Variants in CFAP61 observed in about 807,000 individuals in gnomAD.
CFAP61 encodes cilia and flagella associated protein 61.
In CFAP61, 107 loss-of-function variants were observed where a neutral mutation model predicts 135.6. The observed-to-expected ratio is 0.79, with a 90% CI of 0.67 to 0.93. The LOEUF (loss-of-function observed/expected upper bound fraction) is 0.93, where lower values mean the gene tolerates loss of function less well. Among genes scored for constraint, CFAP61 ranks in the 40% least tolerant of loss-of-function variants. The pLI is 0.00. For synonymous variants in CFAP61, 575 were observed against 578.5 expected (o/e 0.99, Z 0.09); for missense variants, 1,507 against 1,556.2 (o/e 0.97, Z 0.53).
At position 20,199,751 on chromosome 20, in the gene CFAP61, A is replaced by G. The variant is rs762108271; in HGVS notation, c.1798-17A>G. ...TCTGACATTCTCTCCCCTAAAATAT[A>G]GATTGCTGTCTTTCAGTTCCAGAAC... On this transcript the variant is annotated splice_polypyrimidine_tract_variant and intron_variant, in intron 16 of 26. Transcript: ENST00000245957. The G allele has an allele frequency of 2.5e-6, 4 of 1,613,798 alleles. No individual in the cohort carries two copies. The South Asian group carries it at 4.4e-5, about 18-fold the overall frequency.
At chr20:20,245,360 T>C (rs2050360650) in intron 18 of CFAP61, among the ~76,000 whole-genome samples, 1 of 152,122 alleles carries the variant, frequency 6.6e-6, no homozygotes, top group African/African-American at 2.4e-5. Context: ...CTCACAATCA[T>C]GGTGGAAGGC....
At chr20:20,280,793 A>G (rs2054147731) in intron 22 of CFAP61, among the ~76,000 whole-genome samples, 1 of 152,190 alleles carries the variant, frequency 6.6e-6, no homozygotes, top group Non-Finnish European at 1.5e-5. Context: ...AGAAGTTGCC[A>G]TGTTGCTCTC....
chr20:20,161,221 C>T (rs571734553), intron 10 of CFAP61, among the ~76,000 whole-genome samples: 54 of 152,178 alleles, frequency 3.5e-4, no homozygotes, highest in African/African-American at 1.2e-3. Flanking sequence ...AGAGGGTAGC[C>T]GTTCCGTTAT....
intron 8 of CFAP61, among the ~76,000 whole-genome samples, chr20:20,141,375 C>T (rs1235391268): frequency 6.6e-6 from 1 of 152,156 alleles, no homozygotes. Flanking sequence ...GTGCTAGAAA[C>T]CCCAGATAGT....
chr20:20,290,533 G>A (rs764174096), intron 24 of CFAP61, 142 bp downstream of exon 24: 11 of 643,680 alleles, frequency 1.7e-5, no homozygotes, highest in Middle Eastern at 4.1e-4. Context: ...CCCCCAAGAT[G>A]GCCCTTAGTG....
intron 2 of CFAP61, among the ~76,000 whole-genome samples, chr20:20,067,921 A>G (rs12625475): frequency 0.078 from 11,794 of 151,682 alleles, 1,304 homozygotes; most frequent in East Asian, 0.59. Flanking sequence ...TAAAAGGATA[A>G]TGCTACAAAA....
intron 11 of CFAP61, among the ~76,000 whole-genome samples, chr20:20,166,006 T>C (rs1170776044): frequency 6.6e-6 from 1 of 152,200 alleles, no homozygotes; most frequent in Non-Finnish European, 1.5e-5. Context: ...GGTTTGCCTA[T>C]GAATGTACAT....
chr20:20,217,462 T>C (rs1569146093), intron 17 of CFAP61, among the ~76,000 whole-genome samples: 1 of 152,084 alleles, frequency 6.6e-6, no homozygotes, highest in African/African-American at 2.4e-5. Context: ...TGAAAATAAA[T>C]ATGAAATAAA....
chr20:20,220,493 G>C (rs187978019), intron 17 of CFAP61, among the ~76,000 whole-genome samples: 1 of 152,060 alleles, frequency 6.6e-6, no homozygotes, highest in Non-Finnish European at 1.5e-5. Context: ...AGTACAGGTG[G>C]CAACATGGAC....
chr20:20,184,715 G>C (rs1049096494), intron 13 of CFAP61: 1 of 152,112 alleles, frequency 6.6e-6, no homozygotes, highest in African/African-American at 2.4e-5. Context: ...CTTCTGATGA[G>C]GCAGGAACTT....
chr20:20,212,813 C>T (rs2047749741), intron 17 of CFAP61, among the ~76,000 whole-genome samples: 1 of 152,194 alleles, frequency 6.6e-6, no homozygotes, highest in Admixed American at 6.5e-5. Flanking sequence ...TGATGTCATT[C>T]ATTCAGTCAG....
intron 18 of CFAP61, among the ~76,000 whole-genome samples, chr20:20,229,537 G>A (rs1295113213): frequency 1.3e-5 from 2 of 152,140 alleles, no homozygotes; most frequent in South Asian, 2.1e-4. Context: ...AGCCAGCAGA[G>A]TTCTTAGCTC....
chr20:20,066,701 C>T (rs896642417), intron 2 of CFAP61, among the ~76,000 whole-genome samples: 6 of 152,096 alleles, frequency 3.9e-5, no homozygotes, highest in African/African-American at 1.4e-4. Flanking sequence ...GGAGGGATAA[C>T]ATTAGGAGAA....
chr20:20,173,442 G>A (rs558250745), intron 13 of CFAP61, among the ~76,000 whole-genome samples: 2 of 152,292 alleles, frequency 1.3e-5, no homozygotes, highest in South Asian at 2.1e-4. Context: ...CCAGCATTTG[G>A]TGTCATCAGT....
intron 10 of CFAP61, among the ~76,000 whole-genome samples, chr20:20,163,795 C>G (rs185505446): frequency 1.1e-3 from 169 of 151,962 alleles, no homozygotes; most frequent in African/African-American, 3.9e-3. Flanking sequence ...CTGACAGGCC[C>G]CAGTGTGTGT....
chr20:20,074,166 C>A, intron 3 of CFAP61, 136 bp from the exon 4 acceptor site: 1 of 714,394 alleles, frequency 1.4e-6, no homozygotes, highest in Non-Finnish European at 2.5e-6. Context: ...TGTTGCATCA[C>A]TTAGACATAA....
chr20:20,142,980 G>C (rs7265615), intron 9 of CFAP61, 32 bp downstream of exon 9: 2 of 1,374,820 alleles, frequency 1.5e-6, no homozygotes, highest in Non-Finnish European at 2.0e-6. Context: ...TGCCTAGGGT[G>C]GGGGGATGGG....
intron 3 of CFAP61, among the ~76,000 whole-genome samples, chr20:20,071,995 A>C (rs1386731540): frequency 6.7e-6 from 1 of 148,168 alleles, no homozygotes; most frequent in Non-Finnish European, 1.5e-5. Flanking sequence ...TTTGTCCATT[A>C]GGATGTAAAG....
At chr20:20,097,875 T>C (rs1428442546) in intron 7 of CFAP61, among the ~76,000 whole-genome samples, 2 of 152,192 alleles carry the variant, frequency 1.3e-5, no homozygotes, top group Non-Finnish European at 2.9e-5. Context: ...AGTTTCTACC[T>C]GATAAGGAGC....
Sources: gnomAD v4.1 joint callset for allele counts (sites outside exome capture counted in the v4.1 genomes callset) on GRCh38, gnomAD v4.1.1 for gene constraint, MANE v1.5 for transcripts, NCBI Gene and HGNC (gene_info 2026-07-23, HGNC 2026-07-21) for gene names.